The following NRG1 variants were observed in gnomAD, a reference collection of about 807,000 sequenced individuals.
NRG1 encodes pro-neuregulin-1, membrane-bound isoform.
In NRG1, 18 loss-of-function variants were observed where a neutral mutation model predicts 63.8. That is an observed-to-expected ratio of 0.28 (90% CI 0.19 to 0.42). NRG1 has a LOEUF of 0.42. NRG1 is among the 10% of genes least tolerant of loss of function. The probability of loss-of-function intolerance (pLI) is 1.00; values close to 1 mark genes in which losing one functional copy is unlikely to be tolerated. For synonymous variants in NRG1, 302 were observed against 301.3 expected (o/e 1.00, Z -0.02); for missense variants, 762 against 814.7 (o/e 0.94, Z 0.79).
Position 31,640,171 on chromosome 8 carries a change from T to G in NRG1, c.37+740T>G. The stretch of plus-strand genomic sequence containing the variant: ...GGCTCCCGCGGGGGCCTCGGTGTGC[T>G]ACTCGTCCCCGCCCAGCGTGGGATC... On this transcript the variant is annotated intron_variant, in intron 1 of 10. Transcript: ENST00000519301. The surrounding 1 kb of genome is among the most constrained non-coding windows in gnomAD (Gnocchi z 6.3). The G allele has an allele frequency of 8.4e-7, 1 of 1,186,308 alleles. No individual in the cohort carries two copies. The highest frequency in any genetic ancestry group is 1.0e-6 in the Non-Finnish European group (1 of 958,412). The allele number at this position is 1,186,308 out of a possible 1,614,324, so 73.5% of individuals were successfully genotyped here.
chr8:32,501,586 G>C (rs1827859430), intron 1 of NRG1, among the ~76,000 whole-genome samples: 1 of 152,124 alleles, frequency 6.6e-6, no homozygotes, highest in African/African-American at 2.4e-5. Context: ...TTGAACAATT[G>C]ATTAAATGGG....
At chr8:32,156,155 C>T in intron 1 of NRG1, among the ~76,000 whole-genome samples, 1 of 152,194 alleles carries the variant, frequency 6.6e-6, no homozygotes, top group East Asian at 1.9e-4. Context: ...ACCTTTTGCC[C>T]TCTTTGAGTT....
chr8:32,542,470 A>G (rs1432274427), intron 1 of NRG1, among the ~76,000 whole-genome samples: 1 of 152,240 alleles, frequency 6.6e-6, no homozygotes, highest in East Asian at 1.9e-4. Flanking sequence ...AGGTTAAAAC[A>G]GGATGGGATG....
At chr8:31,863,466 T>C (rs1448717870) in intron 1 of NRG1, among the ~76,000 whole-genome samples, 1 of 152,198 alleles carries the variant, frequency 6.6e-6, no homozygotes, top group Non-Finnish European at 1.5e-5. Flanking sequence ...AGCCCTGACC[T>C]CTGCACATCA....
At chr8:32,672,693 A>T (rs1001181134) in intron 5 of NRG1, among the ~76,000 whole-genome samples, 2 of 152,164 alleles carry the variant, frequency 1.3e-5, no homozygotes, top group Non-Finnish European at 2.9e-5. Flanking sequence ...AATATCTTTC[A>T]TCTTAAGATC....
chr8:32,103,463 T>C (rs1254936110), intron 1 of NRG1, among the ~76,000 whole-genome samples: 2 of 152,224 alleles, frequency 1.3e-5, no homozygotes, highest in African/African-American at 2.4e-5. Context: ...CTTCCAAATA[T>C]TGGCTATTGT....
At chr8:31,810,579 A>G (rs895375728) in intron 1 of NRG1, among the ~76,000 whole-genome samples, 1 of 152,074 alleles carries the variant, frequency 6.6e-6, no homozygotes, top group East Asian at 1.9e-4. Context: ...CTTTCTCTAG[A>G]TATTACTTGG....
intron 1 of NRG1, among the ~76,000 whole-genome samples, chr8:32,059,683 G>A (rs918850967): frequency 1.3e-5 from 2 of 151,912 alleles, no homozygotes; most frequent in African/African-American, 4.8e-5. Flanking sequence ...ACTTTTAGGA[G>A]CATCTCATTA....
At chr8:32,390,940 G>C (rs557115521) in intron 1 of NRG1, among the ~76,000 whole-genome samples, 1 of 152,136 alleles carries the variant, frequency 6.6e-6, no homozygotes, top group Non-Finnish European at 1.5e-5. Flanking sequence ...ACTTTACTAG[G>C]ATGTTCTGAC....
chr8:32,680,056 T>G (rs890009827), intron 5 of NRG1, among the ~76,000 whole-genome samples: 2 of 152,254 alleles, frequency 1.3e-5, no homozygotes, highest in Non-Finnish European at 2.9e-5. Context: ...TCAGATTTAC[T>G]CTTCATTGCT....
chr8:31,862,535 G>T (rs1828560515), intron 1 of NRG1, among the ~76,000 whole-genome samples: 1 of 152,162 alleles, frequency 6.6e-6, no homozygotes, highest in Non-Finnish European at 1.5e-5. Context: ...TTTTGAACTT[G>T]ATTTGGGCAA....
At chr8:32,665,975 T>C (rs577305407) in intron 5 of NRG1, among the ~76,000 whole-genome samples, 1 of 152,310 alleles carries the variant, frequency 6.6e-6, no homozygotes, top group East Asian at 1.9e-4. Flanking sequence ...TGCATTCCTA[T>C]TTTAATTAAA....
intron 1 of NRG1, among the ~76,000 whole-genome samples, chr8:32,444,351 G>A (rs893599295): frequency 2.6e-5 from 4 of 151,946 alleles, no homozygotes; most frequent in Non-Finnish European, 4.4e-5. Context: ...TGTTGCCTAG[G>A]CTGGTCTCAA....
intron 1 of NRG1, among the ~76,000 whole-genome samples, chr8:32,137,122 G>A (rs148874892): frequency 4.8e-4 from 73 of 152,068 alleles, no homozygotes; most frequent in African/African-American, 1.4e-3. Flanking sequence ...CTCCTTTACC[G>A]CTGAGTCACC....
intron 5 of NRG1, among the ~76,000 whole-genome samples, chr8:32,635,197 G>A (rs866693335): frequency 6.6e-6 from 1 of 152,154 alleles, no homozygotes; most frequent in Admixed American, 6.5e-5. Flanking sequence ...TTATTTTAAT[G>A]TCCTCTTACC....
intron 1 of NRG1, among the ~76,000 whole-genome samples, chr8:32,133,312 G>A (rs897126590): frequency 2.6e-5 from 4 of 152,054 alleles, no homozygotes; most frequent in Non-Finnish European, 5.9e-5. Flanking sequence ...AAGTGGGTAT[G>A]GAGAAGTCCC....
At chr8:31,733,196 A>ATT (rs139957013) in intron 1 of NRG1, among the ~76,000 whole-genome samples, 3 of 143,720 alleles carry the variant, frequency 2.1e-5, no homozygotes, top group African/African-American at 7.6e-5. Context: ...TACCTATTAC[A>ATT]TTTTTTTTTC....
At chr8:32,377,898 G>A (rs1165842499) in intron 1 of NRG1, among the ~76,000 whole-genome samples, 1 of 152,136 alleles carries the variant, frequency 6.6e-6, no homozygotes, top group Non-Finnish European at 1.5e-5. Flanking sequence ...TACACTTCCA[G>A]TACCTGGCGT....
At chr8:32,132,540 C>T (rs1375314788) in intron 1 of NRG1, among the ~76,000 whole-genome samples, 1 of 152,036 alleles carries the variant, frequency 6.6e-6, no homozygotes, top group African/African-American at 2.4e-5. Flanking sequence ...GGCGCTGTAA[C>T]TTTAAAATAC....
Sources: gnomAD v4.1 joint callset for allele counts (sites outside exome capture counted in the v4.1 genomes callset) on GRCh38, gnomAD v4.1.1 for gene constraint, Gnocchi (gnomAD v3.1) non-coding constraint, MANE v1.5 for transcripts, NCBI Gene and HGNC (gene_info 2026-07-23, HGNC 2026-07-21) for gene names.